DSCAM: variants seen among roughly 807,000 people sequenced by gnomAD.
DSCAM encodes DS cell adhesion molecule.
Under a neutral mutation model 217.7 loss-of-function variants are expected in DSCAM, and 47 were observed. That is an observed-to-expected ratio of 0.22 (90% CI 0.17 to 0.28). The LOEUF is 0.28. Ranked by LOEUF, DSCAM falls within the 10% of genes least tolerant of loss-of-function variation. The pLI, the probability that DSCAM is intolerant of heterozygous loss-of-function variation, is 1.00. For missense variants in DSCAM, 2,080 were observed against 2,618.3 expected (o/e 0.79, Z 4.49); for synonymous variants, 1,056 against 1,015.3 (o/e 1.04, Z -0.76).
intron 1 of DSCAM, among the ~76,000 whole-genome samples, chr21:40,804,878 C>T (rs1266342070): frequency 2.0e-5 from 3 of 152,116 alleles, no homozygotes; most frequent in African/African-American, 7.2e-5. Flanking sequence ...CTACATTGTA[C>T]CCCACCCAAT....
intron 3 of DSCAM, among the ~76,000 whole-genome samples, chr21:40,470,294 G>A (rs767733720): frequency 6.6e-6 from 1 of 152,192 alleles, no homozygotes; most frequent in African/African-American, 2.4e-5. Context: ...TGTCTGCCTT[G>A]CAGGAAAAAG....
At chr21:40,425,104 C>A (rs1019258484) in intron 3 of DSCAM, among the ~76,000 whole-genome samples, 4 of 152,054 alleles carry the variant, frequency 2.6e-5, no homozygotes, top group African/African-American at 9.7e-5. Context: ...AAAAAACAAA[C>A]AAAAATTATC....
intron 3 of DSCAM, among the ~76,000 whole-genome samples, chr21:40,648,875 T>C (rs985713522): frequency 1.3e-5 from 2 of 152,148 alleles, no homozygotes; most frequent in Non-Finnish European, 2.9e-5. Context: ...GAATTGTCAG[T>C]GTATCCTCAT....
chr21:40,517,289 T>C (rs1468773723), intron 3 of DSCAM, among the ~76,000 whole-genome samples: 1 of 150,328 alleles, frequency 6.7e-6, no homozygotes, highest in Non-Finnish European at 1.5e-5. Flanking sequence ...TGTATTTATA[T>C]ATTTATATAT....
intron 27 of DSCAM, among the ~76,000 whole-genome samples, chr21:40,072,923 AC>A (rs1351560770): frequency 4.6e-5 from 7 of 152,138 alleles, no homozygotes; most frequent in Non-Finnish European, 1.0e-4. Flanking sequence ...CTTTACCAAA[AC>A]CAACTGCAAA....
chr21:40,113,060 AT>A (rs1014875342), intron 20 of DSCAM, among the ~76,000 whole-genome samples: 1 of 152,206 alleles, frequency 6.6e-6, no homozygotes, highest in African/African-American at 2.4e-5. Flanking sequence ...TCCCTAACTC[AT>A]TTTATGAGGC....
intron 3 of DSCAM, among the ~76,000 whole-genome samples, chr21:40,392,613 G>A (rs1380197849): frequency 2.0e-5 from 3 of 152,128 alleles, no homozygotes; most frequent in Non-Finnish European, 4.4e-5. Context: ...CCAGGATGGG[G>A]AATGTGTTAT....
intron 11 of DSCAM, among the ~76,000 whole-genome samples, chr21:40,267,127 A>C (rs1025314937): frequency 6.6e-6 from 1 of 151,978 alleles, no homozygotes; most frequent in African/African-American, 2.4e-5. Context: ...CTTTATCACT[A>C]AACAATTCAT....
rs35247505 is a variant in DSCAM, at chr21:40,489,774, C to CAAAAAAAAAA, written c.509-120539_509-120530dup. On this transcript the variant is annotated intron_variant, in intron 3 of 32. Transcript: ENST00000400454. ...TGGGCGACAGGGCGAGACTCCGTCT[C>CAAAAAAAAAA]AAAAAAAAAAAAAAAAAAAAAAAAA... Among the ~76,000 whole-genome samples, 90 of 47,166 alleles carry CAAAAAAAAAA rather than the reference C, an allele frequency of 1.9e-3. 9 individuals are homozygous for CAAAAAAAAAA. Among genetic ancestry groups the CAAAAAAAAAA allele is most frequent in the African/African-American group, 5.7e-3 (73 of 12,742 alleles). The allele number at this position is 47,166 out of a possible 152,430, so 30.9% of individuals were successfully genotyped here.
chr21:40,085,948 T>A (rs949816825), intron 22 of DSCAM, among the ~76,000 whole-genome samples, 183 bp from the exon 23 acceptor site: 1 of 152,134 alleles, frequency 6.6e-6, no homozygotes, highest in Non-Finnish European at 1.5e-5. Context: ...GTAGCTGAAG[T>A]TTTCCTTTGT....
chr21:40,501,951 T>C (rs2076173347), intron 3 of DSCAM, among the ~76,000 whole-genome samples: 1 of 152,222 alleles, frequency 6.6e-6, no homozygotes, highest in African/African-American at 2.4e-5. Context: ...TTTTGAATTG[T>C]ATATATCTTG....
chr21:40,680,691 G>C (rs1270957180), intron 3 of DSCAM, among the ~76,000 whole-genome samples: 1 of 152,180 alleles, frequency 6.6e-6, no homozygotes, highest in Admixed American at 6.5e-5. Context: ...ATTTTCAGCA[G>C]CATCATTGTA....
At chr21:40,773,573 A>G (rs991286212) in intron 1 of DSCAM, among the ~76,000 whole-genome samples, 4 of 152,234 alleles carry the variant, frequency 2.6e-5, no homozygotes, top group African/African-American at 9.6e-5. Context: ...CTGAGGTACC[A>G]GGAGAACACG....
chr21:40,429,825 C>A (rs2075513339), intron 3 of DSCAM, among the ~76,000 whole-genome samples: 1 of 152,192 alleles, frequency 6.6e-6, no homozygotes, highest in Non-Finnish European at 1.5e-5. Context: ...TAAACACTTT[C>A]TGGATTTTTT....
At chr21:40,435,967 T>A (rs1601642402) in intron 3 of DSCAM, among the ~76,000 whole-genome samples, 1 of 152,172 alleles carries the variant, frequency 6.6e-6, no homozygotes, top group South Asian at 2.1e-4. Context: ...AAAACAACCA[T>A]GAGACATTCA....
At chr21:40,426,501 T>C (rs1319311698) in intron 3 of DSCAM, among the ~76,000 whole-genome samples, 1 of 152,224 alleles carries the variant, frequency 6.6e-6, no homozygotes, top group African/African-American at 2.4e-5. Flanking sequence ...AAATTTGTCA[T>C]CTCGTTATAC....
At chr21:40,055,359 T>C (rs1235420936) in intron 29 of DSCAM, among the ~76,000 whole-genome samples, 1 of 152,208 alleles carries the variant, frequency 6.6e-6, no homozygotes, top group Non-Finnish European at 1.5e-5. Context: ...ATTTTCAACC[T>C]GGGGCTTTAG....
chr21:40,578,522 C>T (rs1601760411), intron 3 of DSCAM, among the ~76,000 whole-genome samples: 1 of 152,154 alleles, frequency 6.6e-6, no homozygotes. Flanking sequence ...TAAAATGGAC[C>T]AATCAGCAGG....
At chr21:40,162,504 C>A (rs1038882348) in intron 16 of DSCAM, among the ~76,000 whole-genome samples, 2 of 152,118 alleles carry the variant, frequency 1.3e-5, no homozygotes, top group African/African-American at 4.8e-5. Context: ...GGAAATAAGG[C>A]AGTTTTGTTT....
Sources: allele counts gnomAD v4.1 joint callset (sites outside exome capture counted in the v4.1 genomes callset), GRCh38; gene constraint gnomAD v4.1.1; transcripts MANE v1.5; gene names NCBI Gene and HGNC (gene_info 2026-07-23, HGNC 2026-07-21).